The following ZNF804B variants were observed in gnomAD, a reference collection of about 807,000 sequenced individuals.
ZNF804B encodes zinc finger 804B.
In ZNF804B, 80 loss-of-function variants were observed where a neutral mutation model predicts 101.4. That is an observed-to-expected ratio of 0.79 (90% CI 0.66 to 0.95). ZNF804B has a LOEUF of 0.95. ZNF804B is among the 40% of genes least tolerant of loss of function. The pLI, the probability that ZNF804B is intolerant of heterozygous loss-of-function variation, is 0.00. For missense variants in ZNF804B, 1,673 were observed against 1,561.9 expected, an observed-to-expected ratio of 1.07 and a Z score of -1.20; for synonymous variants, 622 against 558.8, an observed-to-expected ratio of 1.11 and a Z score of -1.59.
intron 1 of ZNF804B, among the ~76,000 whole-genome samples, chr7:88,838,138 A>T (rs540130197): frequency 1.3e-5 from 2 of 152,006 alleles, no homozygotes; most frequent in South Asian, 4.1e-4. Context: ...TATCATATAC[A>T]GATAAAGCCA....
rs969650715 is a variant in ZNF804B at position 88,925,832 on chromosome 7, A to G, written c.108+165748A>G. On this transcript the variant is annotated intron_variant, in intron 1 of 3. Coordinates refer to ENST00000333190, the MANE Select transcript of ZNF804B (RefSeq NM_181646.5). ...TCTGATCTAGCAGGCAAAGGAGAGCATGGCAGAAGAGGAAGCTCTGAAAGT... is the reference window on the plus strand; with the variant it reads ...TCTGATCTAGCAGGCAAAGGAGAGCGTGGCAGAAGAGGAAGCTCTGAAAGT... Among the ~76,000 whole-genome samples, 6 of 152,280 alleles carry G rather than the reference A, an allele frequency of 3.9e-5. No individual in the cohort carries two copies. The South Asian group carries it at 8.3e-4, about 21-fold the overall frequency.
chr7:89,083,802 C>T (rs985113598), intron 1 of ZNF804B, among the ~76,000 whole-genome samples: 2 of 151,788 alleles, frequency 1.3e-5, no homozygotes, highest in Non-Finnish European at 2.9e-5. Flanking sequence ...TGTATTTCTT[C>T]TATTTGTCTT....
intron 1 of ZNF804B, among the ~76,000 whole-genome samples, chr7:89,079,639 T>G (rs1789666674): frequency 6.6e-6 from 1 of 151,892 alleles, no homozygotes; most frequent in Admixed American, 6.6e-5. Flanking sequence ...TACATGAAAT[T>G]TAGATAATAA....
At chr7:88,835,681 T>C (rs6955070) in intron 1 of ZNF804B, among the ~76,000 whole-genome samples, 76,019 of 151,714 alleles carry the variant, frequency 0.5, 20,969 homozygotes, top group East Asian at 0.81. Flanking sequence ...ATAGTAGATA[T>C]TTGCTTTTTA....
chr7:89,061,685 A>G (rs1018733011), intron 1 of ZNF804B, among the ~76,000 whole-genome samples: 1 of 152,088 alleles, frequency 6.6e-6, no homozygotes, highest in Non-Finnish European at 1.5e-5. Context: ...TTCATTTCAT[A>G]AGTTTTATAA....
intron 1 of ZNF804B, among the ~76,000 whole-genome samples, chr7:89,019,359 A>C (rs981967266): frequency 3.3e-5 from 5 of 152,048 alleles, no homozygotes; most frequent in Admixed American, 6.6e-5. Flanking sequence ...ATGTTATTTC[A>C]GTTTTTGAAA....
In ZNF804B at chr7:88,759,726, ACTGGCTC is replaced by A; in HGVS notation, c.-250_-244del. On this transcript the variant is annotated 5_prime_UTR_variant, in exon 1 of 4. The change abolishes the stop of an existing upstream ORF in the 5' untranslated region. Coordinates refer to ENST00000333190, the MANE Select transcript of ZNF804B (RefSeq NM_181646.5). ...GCCACCTCGTCAGAGCAGCATGTGG[ACTGGCTC>A]GCCGGGTCCCCTCCGTGCTCTGTGC... The A allele has an allele frequency of 5.7e-6, 3 of 527,994 alleles. No homozygotes were observed. The highest frequency in any genetic ancestry group is 1.0e-5 in the Non-Finnish European group (3 of 292,524). 32.7% of individuals were successfully genotyped at this position (527,994 alleles called of 1,614,324 possible).
intron 1 of ZNF804B, among the ~76,000 whole-genome samples, chr7:88,881,709 C>T (rs1488587721): frequency 6.6e-6 from 1 of 152,024 alleles, no homozygotes; most frequent in Non-Finnish European, 1.5e-5. Flanking sequence ...GTTTCTTTTT[C>T]TAAAAACGTC....
At chr7:88,871,165 A>C (rs1791818005) in intron 1 of ZNF804B, among the ~76,000 whole-genome samples, 1 of 152,184 alleles carries the variant, frequency 6.6e-6, no homozygotes, top group South Asian at 2.1e-4. Flanking sequence ...ATAGGTGAAG[A>C]TACCTGAAAA....
chr7:89,074,186 A>G (rs1789582321), intron 1 of ZNF804B, among the ~76,000 whole-genome samples: 1 of 152,212 alleles, frequency 6.6e-6, no homozygotes, highest in Non-Finnish European at 1.5e-5. Flanking sequence ...TTTTATGCCA[A>G]CTTGAGTTGA....
At chr7:88,960,650 AT>A (rs1164436731) in intron 1 of ZNF804B, among the ~76,000 whole-genome samples, 2 of 151,352 alleles carry the variant, frequency 1.3e-5, no homozygotes, top group East Asian at 2.0e-4. Flanking sequence ...TATCTTTGTG[AT>A]TTTTTTAAGT....
intron 1 of ZNF804B, among the ~76,000 whole-genome samples, chr7:88,953,179 T>C (rs1377648289): frequency 2.0e-5 from 3 of 151,768 alleles, no homozygotes; most frequent in African/African-American, 7.2e-5. Flanking sequence ...TCGATTCCAG[T>C]ATTCCACTCC....
chr7:89,298,138 TA>T (rs1195822376), intron 2 of ZNF804B, among the ~76,000 whole-genome samples: 2 of 137,538 alleles, frequency 1.5e-5, no homozygotes, highest in African/African-American at 2.7e-5. Context: ...TATATATATA[TA>T]TATCATATAT....
chr7:88,843,955 A>C (rs926900111), intron 1 of ZNF804B, among the ~76,000 whole-genome samples: 4 of 152,116 alleles, frequency 2.6e-5, no homozygotes, highest in African/African-American at 9.7e-5. Context: ...AGATTAAAAA[A>C]TTGTTTATAA....
At chr7:88,975,998 T>G (rs918061008) in intron 1 of ZNF804B, among the ~76,000 whole-genome samples, 1 of 151,674 alleles carries the variant, frequency 6.6e-6, no homozygotes, top group South Asian at 2.1e-4. Context: ...GCATATCCAG[T>G]TTTCCCAGTG....
intron 2 of ZNF804B, among the ~76,000 whole-genome samples, chr7:89,313,788 A>G (rs1790679057): frequency 6.6e-6 from 1 of 152,190 alleles, no homozygotes; most frequent in African/African-American, 2.4e-5. Context: ...TGAAAAGTGG[A>G]GAGGATATGT....
intron 1 of ZNF804B, among the ~76,000 whole-genome samples, chr7:88,866,144 A>T (rs1338974742): frequency 6.6e-6 from 1 of 152,232 alleles, no homozygotes; most frequent in East Asian, 1.9e-4. Flanking sequence ...TAACCTGGAA[A>T]AAAAGGCCAG....
intron 1 of ZNF804B, among the ~76,000 whole-genome samples, chr7:89,105,082 G>A (rs977385402): frequency 3.3e-5 from 5 of 152,048 alleles, no homozygotes; most frequent in Non-Finnish European, 5.9e-5. Flanking sequence ...TGGTTACTTG[G>A]TTTTGCCCTT....
At position 89,176,571 on chromosome 7, in the gene ZNF804B, TTTTCTTTC is replaced by T. The variant is rs1322230086; in HGVS notation, c.109-41568_109-41561del. On this transcript the variant is annotated intron_variant, in intron 1 of 3. Transcript: ENST00000333190. Reference sequence around the variant, plus strand: ...CCTGTGGTTTTCTTTCTTTTCTTTTTTTTCTTTCTTTCTTTCTTTCTTTTTTTTTTTTT... The same window carrying T: ...CCTGTGGTTTTCTTTCTTTTCTTTTTTTTCTTTCTTTCTTTTTTTTTTTTT... Among the ~76,000 whole-genome samples, 118 of 123,694 alleles carry T rather than the reference TTTTCTTTC, an allele frequency of 9.5e-4. 6 individuals carry two copies. The Middle Eastern group carries it at 0.014, about 14-fold the overall frequency. 81.1% of individuals were successfully genotyped at this position (123,694 alleles called of 152,430 possible). A position where few individuals can be genotyped will look rare whatever the true frequency, so the allele number is the denominator to read the frequency against.
Sources: allele counts gnomAD v4.1 joint callset (sites outside exome capture counted in the v4.1 genomes callset), GRCh38; gene constraint gnomAD v4.1.1; transcripts MANE v1.5; gene names NCBI Gene and HGNC (gene_info 2026-07-23, HGNC 2026-07-21).